The following GABBR1 variants were observed in gnomAD, a reference collection of about 807,000 sequenced individuals.
GABBR1 encodes GABA-B receptor, R1 subunit.
GABBR1 carries 35 observed loss-of-function variants against 117.7 expected under a neutral mutation model. That is an observed-to-expected ratio of 0.30 (90% CI 0.23 to 0.39). The LOEUF (loss-of-function observed/expected upper bound fraction) is 0.39. GABBR1 is among the 10% of genes least tolerant of loss of function. The pLI, the probability that GABBR1 is intolerant of heterozygous loss-of-function variation, is 1.00. For missense variants in GABBR1, 709 were observed against 1,241.8 expected (o/e 0.57, Z 6.45); for synonymous variants, 442 against 486.6 (o/e 0.91, Z 1.21).
chr6:29,609,125 A>T lies in GABBR1; in HGVS notation c.1859+104T>A. ...ACAAGTCAGAATGAAAAACTCCATG[A>T]TACATGGCCATGGGAGTTACACAGG... On this transcript the variant is annotated intron_variant, in intron 15 of 22. Coordinates refer to ENST00000377034, the MANE Select transcript of GABBR1 (RefSeq NM_001470.4). The surrounding 1 kb of genome is among the most constrained non-coding windows in gnomAD (Gnocchi z 4.3). 1 of 1,117,954 alleles carries T rather than the reference A, an allele frequency of 8.9e-7. No homozygotes were observed. The highest frequency in any genetic ancestry group is 1.3e-6 in the Non-Finnish European group (1 of 771,536). The allele number at this position is 1,117,954 out of a possible 1,614,324, so 69.3% of individuals were successfully genotyped here.
Position 29,627,588 on chromosome 6 carries a change from GC to G in GABBR1, c.554del (p.Gly185AlafsTer15). The G allele has an allele frequency of 6.3e-7, 1 of 1,578,016 alleles. No homozygotes were observed. ...LFPMSGGWPG[G>X]QACQPAVEMA... ...TCTCCACCGCGGGCTGGCAGGCCTGGCCCCCTGGCCAGCCCCCGCTCATGGG... is the reference window on the plus strand; with the variant it reads ...TCTCCACCGCGGGCTGGCAGGCCTGGCCCCTGGCCAGCCCCCGCTCATGGG... On this transcript the variant is annotated frameshift_variant, in exon 6 of 23. Transcript: ENST00000377034. LOFTEE classifies it high-confidence loss of function. This position sits in a 1 kb window ranked among gnomAD's most constrained non-coding sequence, Gnocchi z 4.4.
rs755840328 is a variant in GABBR1 at position 29,603,406 on chromosome 6, G to C, written c.*137C>G. Reference sequence around the variant, plus strand: ...CAAATCAGCCCAGAACTCACAGGGGGACATGTATTTACAAGAGATGAGATT... The same window carrying C: ...CAAATCAGCCCAGAACTCACAGGGGCACATGTATTTACAAGAGATGAGATT... On this transcript the variant is annotated 3_prime_UTR_variant, in exon 23 of 23. Coordinates refer to ENST00000377034, the MANE Select transcript of GABBR1 (RefSeq NM_001470.4). The C allele has an allele frequency of 3.8e-6, 3 of 783,252 alleles. No individual in the cohort carries two copies. The highest frequency in any genetic ancestry group is 2.9e-5 in the South Asian group (2 of 68,258). The allele number at this position is 783,252 out of a possible 1,614,324, so 48.5% of individuals were successfully genotyped here. A position where few individuals can be genotyped will look rare whatever the true frequency, so the allele number is the denominator to read the frequency against.
chr6:29,632,245 G>T lies in GABBR1; in HGVS notation c.85+56C>A. On this transcript the variant is annotated intron_variant, in intron 2 of 22. Coordinates refer to ENST00000377034, the MANE Select transcript of GABBR1 (RefSeq NM_001470.4). The surrounding 1 kb of genome is among the most constrained non-coding windows in gnomAD (Gnocchi z 5.8). ...TGATGAGGACCAGAAATGAGGAGAT[G>T]CAGGGAAAGGGAAGTGGAGCGAAGG... is the stretch of plus-strand genomic sequence containing the variant. 9.7e-7 allele frequency: 1 copy of T among 1,031,342 alleles called. No homozygotes were observed. The highest frequency in any genetic ancestry group is 1.3e-6 in the Non-Finnish European group (1 of 747,082). 63.9% of individuals were successfully genotyped at this position (1,031,342 alleles called of 1,614,324 possible).
Position 29,622,601 on chromosome 6 carries a change from G to C in GABBR1, c.964-396C>G, listed in dbSNP as rs145542004. 412 of 213,914 alleles carry C rather than the reference G, an allele frequency of 1.9e-3. 7 individuals are homozygous for C. Among genetic ancestry groups the C allele is most frequent in the Middle Eastern group, 0.019 (10 of 528 alleles). The allele number at this position is 213,914 out of a possible 1,614,324, so 13.3% of individuals were successfully genotyped here. On this transcript the variant is annotated intron_variant, in intron 8 of 22. Coordinates refer to ENST00000377034, the MANE Select transcript of GABBR1 (RefSeq NM_001470.4). The surrounding 1 kb of genome is among the most constrained non-coding windows in gnomAD (Gnocchi z 4.6). The stretch of plus-strand genomic sequence containing the variant: ...GACAGACAAAGGATCAGAGAAGAAT[G>C]GTCTGAATCAGAGTGAAAGTGGGGG...
At position 29,613,409 on chromosome 6, in the gene GABBR1, G is replaced by C; in HGVS notation, c.1400C>G (p.Ala467Gly). The C allele has an allele frequency of 6.2e-7, 1 of 1,613,126 alleles. No individual in the cohort carries two copies. Among genetic ancestry groups the C allele is most frequent in the Non-Finnish European group, 8.5e-7 (1 of 1,180,044 alleles). The change falls in exon 12 of 23, where the codon GCA (alanine) becomes GGA (glycine). Residue 467 changes from alanine (A) to glycine (G), a missense_variant. Ala to Gly is a moderately conservative substitution (Grantham distance 60). Around this residue, in one of 9 missense-constraint regions of GABBR1, gnomAD observed 192 missense variants for 418.4 expected, o/e 0.46. Coordinates refer to ENST00000377034, the MANE Select transcript of GABBR1 (RefSeq NM_001470.4). The surrounding 1 kb of genome is among the most constrained non-coding windows in gnomAD (Gnocchi z 4.1). ...HPEETGGFQE[A>G]PLAYDAIWAL... ...CCAGATGGCATCATAGGCCAGCGGT[G>C]CCTCCTGGAAGCCTCCTGTCTCCTC... is the stretch of plus-strand genomic sequence containing the variant.
rs1308636716 is a variant in GABBR1, at chr6:29,602,796, T to C, written c.*747A>G. 2.8e-6 allele frequency: 1 copy of C among 351,726 alleles called. No individual in the cohort carries two copies. Among genetic ancestry groups the C allele is most frequent in the African/African-American group, 2.1e-5 (1 of 46,630 alleles). The allele number at this position is 351,726 out of a possible 1,614,324, so 21.8% of individuals were successfully genotyped here. On this transcript the variant is annotated 3_prime_UTR_variant, in exon 23 of 23. Coordinates refer to ENST00000377034, the MANE Select transcript of GABBR1 (RefSeq NM_001470.4). ...ATTGCACATGCCTACCCAAACACGCTCAAGGGCAGACCCATGACCATGAGA... is the reference window on the plus strand; with the variant it reads ...ATTGCACATGCCTACCCAAACACGCCCAAGGGCAGACCCATGACCATGAGA...
chr6:29,624,183 A>G (rs1404631898), intron 6 of GABBR1, 159 bp from the exon 7 acceptor site: 1 of 724,828 alleles, frequency 1.4e-6, no homozygotes, highest in South Asian at 2.5e-5. Context: ...TCTTCCTGTC[A>G]AGTGCCTTTT....
chr6:29,627,989 C>A lies in GABBR1; in HGVS notation c.497-343G>T. ...CGGCTCTCGCCACCGTCGCCGCCAC[C>A]GCGGACTCTCCTCGCGGACTGACTG... is the stretch of plus-strand genomic sequence containing the variant. On this transcript the variant is annotated intron_variant, in intron 5 of 22. Coordinates refer to ENST00000377034, the MANE Select transcript of GABBR1 (RefSeq NM_001470.4). The surrounding 1 kb of genome is among the most constrained non-coding windows in gnomAD (Gnocchi z 4.4). The A allele has an allele frequency of 3.7e-6, 5 of 1,339,976 alleles. No homozygotes were observed. Among genetic ancestry groups the A allele is most frequent in the Non-Finnish European group, 3.8e-6 (4 of 1,054,744 alleles). The allele number at this position is 1,339,976 out of a possible 1,614,324, so 83.0% of individuals were successfully genotyped here.
chr6:29,618,043 T>A (rs529546099), intron 11 of GABBR1, among the ~76,000 whole-genome samples: 1 of 152,288 alleles, frequency 6.6e-6, no homozygotes, highest in Admixed American at 6.5e-5. Context: ...AGCTAATCCA[T>A]ACTCTTACCA....
intron 11 of GABBR1, among the ~76,000 whole-genome samples, chr6:29,615,594 G>C (rs1762994994): frequency 7.0e-6 from 1 of 142,962 alleles, no homozygotes; most frequent in South Asian, 2.3e-4. Context: ...GGGCGATGGA[G>C]TGAGACTCTG....
intron 11 of GABBR1, among the ~76,000 whole-genome samples, chr6:29,614,346 G>A (rs1157520473): frequency 6.6e-6 from 1 of 152,148 alleles, no homozygotes; most frequent in Non-Finnish European, 1.5e-5. Flanking sequence ...ACTACTTCTT[G>A]GGAAACCACA....
In GABBR1 at chr6:29,606,124, G is replaced by A. The variant is rs1761928735; in HGVS notation, c.2311+267C>T. The A allele has an allele frequency of 1.8e-6, 1 of 557,276 alleles. No individual in the cohort carries two copies. Among genetic ancestry groups the A allele is most frequent in the Non-Finnish European group, 3.2e-6 (1 of 313,976 alleles). 34.5% of individuals were successfully genotyped at this position (557,276 alleles called of 1,614,324 possible). ...AAAAGATAATGTCAAGTCTGGAGGT[G>A]GGGTTACCCCCACTTGTTCCTCTGC... On this transcript the variant is annotated intron_variant, in intron 19 of 22. Coordinates refer to ENST00000377034, the MANE Select transcript of GABBR1 (RefSeq NM_001470.4). The surrounding 1 kb of genome is among the most constrained non-coding windows in gnomAD (Gnocchi z 4.5).
At chr6:29,625,319 TC>T (rs982442833) in intron 6 of GABBR1, among the ~76,000 whole-genome samples, 1 of 152,112 alleles carries the variant, frequency 6.6e-6, no homozygotes, top group African/African-American at 2.4e-5. Context: ...TCCCAGCTTC[TC>T]CCACAGCCCC....
intron 14 of GABBR1, 79 bp downstream of exon 14, chr6:29,610,845 C>A: frequency 8.1e-7 from 1 of 1,228,934 alleles, no homozygotes; most frequent in Non-Finnish European, 1.2e-6. Flanking sequence ...CTCTACCATT[C>A]CATCCTCACT....
At position 29,604,674 on chromosome 6, in the gene GABBR1, A is replaced by C. The variant is rs1288537139; in HGVS notation, c.2569-37T>G. 6.2e-7 allele frequency: 1 copy of C among 1,612,920 alleles called. No homozygotes were observed. Among genetic ancestry groups the C allele is most frequent in the East Asian group, 2.2e-5 (1 of 44,884 alleles). ...TGTTTGGGCGTGGGGTGGCCCAGCA[A>C]GGACTGTACTAGTGACTGGCTGATG... On this transcript the variant is annotated intron_variant, in intron 21 of 22. Coordinates refer to ENST00000377034, the MANE Select transcript of GABBR1 (RefSeq NM_001470.4). The surrounding 1 kb of genome is among the most constrained non-coding windows in gnomAD (Gnocchi z 5.3).
rs757241140 is a variant in GABBR1, at chr6:29,604,948, G to A, written c.2480C>T (p.Ser827Phe). Residue 827 changes from serine to phenylalanine, a missense_variant, in exon 21 of 23, where the codon TCC becomes TTC. Ser to Phe is a radical substitution (Grantham distance 155). This residue lies in a region of GABBR1 where 251 missense variants were observed against 445.3 expected (regional missense o/e 0.56). Coordinates refer to ENST00000377034, the MANE Select transcript of GABBR1 (RefSeq NM_001470.4). The surrounding 1 kb of genome is among the most constrained non-coding windows in gnomAD (Gnocchi z 5.3). Reference sequence around the variant, plus strand: ...GGCAAAGGCTGCATCCTGCTGGCTGGACAGAATCATGGTGACAGGAGCAGT... The same window carrying A: ...GGCAAAGGCTGCATCCTGCTGGCTGAACAGAATCATGGTGACAGGAGCAGT... ...LITAPVTMIL[S>F]SQQDAAFAFA... 2 of 1,613,056 alleles carry A rather than the reference G, an allele frequency of 1.2e-6. No individual in the cohort carries two copies. The highest frequency in any genetic ancestry group is 8.5e-7 in the Non-Finnish European group (1 of 1,179,958).
Position 29,631,387 on chromosome 6 carries a change from G to A in GABBR1, c.289+9C>T. 1 of 1,613,208 alleles carries A rather than the reference G, an allele frequency of 6.2e-7. No individual in the cohort carries two copies. Among genetic ancestry groups the A allele is most frequent in the South Asian group, 1.1e-5 (1 of 91,080 alleles). On this transcript the variant is annotated intron_variant, in intron 3 of 22. Transcript: ENST00000377034. This position sits in a 1 kb window ranked among gnomAD's most constrained non-coding sequence, Gnocchi z 5.9. ...CTTGAAGAGGGGAGGGGCTTCCGAG[G>A]CTACTCACCACAGCGGCTGGGTGTG...
intron 11 of GABBR1, among the ~76,000 whole-genome samples, chr6:29,615,291 C>CAAAA (rs28751301): frequency 2.0e-4 from 17 of 86,756 alleles, no homozygotes; most frequent in South Asian, 3.7e-4. Flanking sequence ...GACTCCGTCT[C>CAAAA]AAAAAAAAAA....
intron 14 of GABBR1, among the ~76,000 whole-genome samples, chr6:29,610,068 TAAA>T (rs28383948): frequency 5.6e-5 from 7 of 125,236 alleles, no homozygotes; most frequent in Non-Finnish European, 1.0e-4. Flanking sequence ...ATTCGAATTG[TAAA>T]AAAAAAAAAA....
Sources: gnomAD v4.1 joint callset for allele counts (sites outside exome capture counted in the v4.1 genomes callset) on GRCh38, gnomAD v4.1.1 for gene constraint, gnomAD v4.1.1 regional missense constraint, Gnocchi (gnomAD v3.1) non-coding constraint, MANE v1.5 for transcripts, NCBI Gene and HGNC (gene_info 2026-07-23, HGNC 2026-07-21) for gene names.